The following ALDH5A1 variants were observed in gnomAD, a reference collection of about 807,000 sequenced individuals.
ALDH5A1 encodes the protein succinate-semialdehyde dehydrogenase, mitochondrial.
A neutral mutation model predicts 54.7 loss-of-function variants in ALDH5A1; 33 were observed. The ratio of observed to expected loss-of-function variants is 0.60; its 90% confidence interval spans 0.46 to 0.81. The LOEUF (loss-of-function observed/expected upper bound fraction) is 0.81. ALDH5A1 is among the 30% of genes least tolerant of loss of function. ALDH5A1 has a pLI of 0.00. For missense variants in ALDH5A1, 657 were observed against 711.0 expected (o/e 0.92, Z 0.86); for synonymous variants, 294 against 292.7 (o/e 1.00, Z -0.05).
At chr6:24,516,441 A>AAAC in intron 5 of ALDH5A1, among the ~76,000 whole-genome samples, 2 of 38,046 alleles carry the variant, frequency 5.3e-5, no homozygotes, top group African/African-American at 1.4e-4. Flanking sequence ...ACTCTGTCTC[A>AAAC]AAAAAAAAAA....
Position 24,522,839 on chromosome 6 carries a change from G to C in ALDH5A1, c.1087G>C (p.Ala363Pro). The C allele has an allele frequency of 6.2e-7, 1 of 1,614,180 alleles. No homozygotes were observed. Among genetic ancestry groups the C allele is most frequent in the East Asian group, 2.2e-5 (1 of 44,892 alleles). ...HDAFVKAFAE[A>P]MKKNLRVGNG... ...TGCCTTTGTAAAAGCATTCGCCGAG[G>C]CCATGAAGAAGAACCTGCGCGTAGG... The change falls in exon 7 of 10, where the codon GCC becomes CCC. Residue 363 changes from alanine (A) to proline (P), a missense_variant. Physicochemically the swap from Ala to Pro is conservative, Grantham distance 27 (BLOSUM62 -1). Transcript: ENST00000357578.
chr6:24,498,118 C>T (rs1304090616), intron 1 of ALDH5A1, among the ~76,000 whole-genome samples: 1 of 151,994 alleles, frequency 6.6e-6, no homozygotes, highest in African/African-American at 2.4e-5. Flanking sequence ...GGGCTTTTGG[C>T]CTGAGCAATT....
intron 8 of ALDH5A1, 54 bp from the exon 9 acceptor site, chr6:24,532,065 G>T: frequency 6.5e-7 from 1 of 1,533,588 alleles, no homozygotes; most frequent in Non-Finnish European, 9.0e-7. Flanking sequence ...AAACAAAACT[G>T]GTTTCCTTTC....
chr6:24,533,718 T>C lies in ALDH5A1; in HGVS notation c.*6T>C, dbSNP rs1759985258. On this transcript the variant is annotated 3_prime_UTR_variant, in exon 10 of 10. Transcript: ENST00000357578. ...TGTGTTACGGGGGCTTGTAGGATTC[T>C]TTGGTTCTTTAAAAAAATTTAAAAG... 6 of 1,613,562 alleles carry C rather than the reference T, an allele frequency of 3.7e-6. No individual in the cohort carries two copies. Among genetic ancestry groups the C allele is most frequent in the Non-Finnish European group, 5.1e-6 (6 of 1,179,798 alleles).
At chr6:24,497,268 CT>C (rs1024022290) in intron 1 of ALDH5A1, among the ~76,000 whole-genome samples, 1 of 152,158 alleles carries the variant, frequency 6.6e-6, no homozygotes, top group South Asian at 2.1e-4. Context: ...ATCAGAATGC[CT>C]TTTTTTCAAT....
In ALDH5A1 at chr6:24,536,367, A is replaced by G. The variant is rs1190089935; in HGVS notation, c.*2655A>G. 6.6e-6 allele frequency: 1 copy of G among 152,260 alleles called. No individual in the cohort carries two copies. Among genetic ancestry groups the G allele is most frequent in the Non-Finnish European group, 1.5e-5 (1 of 68,042 alleles). 9.4% of individuals were successfully genotyped at this position (152,260 alleles called of 1,614,324 possible). On this transcript the variant is annotated 3_prime_UTR_variant, in exon 10 of 10. Coordinates refer to ENST00000357578, the MANE Select transcript of ALDH5A1 (RefSeq NM_001080.3). ...CTATGAAATTCAGATTTCAGTGTCC[A>G]TAAACAAAATGTTATTAGAGCATAG... is the stretch of plus-strand genomic sequence containing the variant.
chr6:24,530,896 G>A (rs1402976671), intron 8 of ALDH5A1, among the ~76,000 whole-genome samples: 6 of 152,224 alleles, frequency 3.9e-5, no homozygotes, highest in Non-Finnish European at 7.3e-5. Flanking sequence ...GGTAGGAGAC[G>A]TGCAGCCCTG....
chr6:24,498,038 A>G (rs1764747328), intron 1 of ALDH5A1, among the ~76,000 whole-genome samples: 1 of 152,134 alleles, frequency 6.6e-6, no homozygotes, highest in Non-Finnish European at 1.5e-5. Flanking sequence ...TTGAAGGTAG[A>G]GCCCACTGGA....
intron 7 of ALDH5A1, among the ~76,000 whole-genome samples, chr6:24,524,733 T>A (rs1052201346): frequency 1.3e-5 from 2 of 152,186 alleles, no homozygotes; most frequent in Non-Finnish European, 2.9e-5. Flanking sequence ...AAGGCAGGGG[T>A]ATTCACTTGT....
intron 5 of ALDH5A1, among the ~76,000 whole-genome samples, chr6:24,516,095 A>C (rs1759564525): frequency 1.3e-5 from 2 of 152,132 alleles, no homozygotes; most frequent in Admixed American, 1.3e-4. Context: ...TCTTTGCTAA[A>C]AACTTAATGT....
chr6:24,504,365 G>A (rs1759288476), intron 3 of ALDH5A1, among the ~76,000 whole-genome samples: 1 of 152,166 alleles, frequency 6.6e-6, no homozygotes, highest in African/African-American at 2.4e-5. Context: ...ATATGTATGT[G>A]GAAGGAATAA....
intron 8 of ALDH5A1, among the ~76,000 whole-genome samples, chr6:24,529,497 CAAGAAATCTGATTCTTGCTTCTTTGA>C (rs1404497264): frequency 6.6e-6 from 1 of 151,962 alleles, no homozygotes; most frequent in Non-Finnish European, 1.5e-5. Flanking sequence ...GGGTTATTGC[CAAGAAATCTGATTCTTGCTTCTTTGA>C]AAGAAATCTA....
chr6:24,520,592 TGA>T, intron 6 of ALDH5A1, 48 bp downstream of exon 6: 1 of 1,608,302 alleles, frequency 6.2e-7, no homozygotes, highest in East Asian at 2.2e-5. Flanking sequence ...TGTGCATGTG[TGA>T]GTGTGTGTAT....
intron 5 of ALDH5A1, among the ~76,000 whole-genome samples, chr6:24,515,647 G>A (rs1265361577): frequency 6.6e-6 from 1 of 152,152 alleles, no homozygotes; most frequent in Non-Finnish European, 1.5e-5. Context: ...ACTTGAACCC[G>A]GGAGGCGAAG....
At chr6:24,522,993 A>T in intron 7 of ALDH5A1, 68 bp downstream of exon 7, 1 of 1,514,508 alleles carries the variant, frequency 6.6e-7, no homozygotes, top group East Asian at 2.3e-5. Context: ...AATCAGCAAA[A>T]AACACTTTGG....
At chr6:24,529,270 G>A (rs1237724813) in intron 8 of ALDH5A1, among the ~76,000 whole-genome samples, 4 of 151,756 alleles carry the variant, frequency 2.6e-5, no homozygotes, top group East Asian at 1.9e-4. Flanking sequence ...GGGTTCAAGC[G>A]ATTCTCTTGC....
chr6:24,497,169 C>T lies in ALDH5A1; in HGVS notation c.354+1819C>T, dbSNP rs541230042. On this transcript the variant is annotated intron_variant, in intron 1 of 9. Transcript: ENST00000357578. ...AGCTTCCACAGCGCGGAAGGGGACC[C>T]GAGTGGGTTGTCGCTGCTGGGTGGG... is the stretch of plus-strand genomic sequence containing the variant. 4.6e-5 allele frequency among the ~76,000 whole-genome samples: 7 copies of T among 152,176 alleles called. 1 individual carries two copies. The South Asian group carries it at 6.2e-4, about 14-fold the overall frequency.
In ALDH5A1 at chr6:24,527,903, GA is replaced by G. The variant is rs4646848; in HGVS notation, c.1174-85del. 294,785 of 1,422,146 alleles carry G rather than the reference GA, an allele frequency of 0.21. 32,255 individuals are homozygous for G. Among genetic ancestry groups the G allele is most frequent in the Non-Finnish European group, 0.23 (236,398 of 1,027,372 alleles). 88.1% of individuals were successfully genotyped at this position (1,422,146 alleles called of 1,614,324 possible). A position where few individuals can be genotyped will look rare whatever the true frequency, so the allele number is the denominator to read the frequency against. On this transcript the variant is annotated intron_variant, in intron 7 of 9. Transcript: ENST00000357578. ...TTGTTAACCTACTTTTTTTGAAAAA[GA>G]AAAAAAAATGGAACTAGTTATAGTT...
intron 7 of ALDH5A1, 100 bp downstream of exon 7, chr6:24,523,025 G>T: frequency 1.1e-6 from 1 of 889,888 alleles, no homozygotes; most frequent in Non-Finnish European, 1.7e-6. Context: ...GGGATAGAGA[G>T]GGGTGGGTTG....
Sources: allele counts gnomAD v4.1 joint callset (sites outside exome capture counted in the v4.1 genomes callset), GRCh38; gene constraint gnomAD v4.1.1; transcripts MANE v1.5; gene names NCBI Gene and HGNC (gene_info 2026-07-23, HGNC 2026-07-21).